TMEM244: variants seen among roughly 807,000 people sequenced by gnomAD.
TMEM244 encodes transmembrane protein 244, also known as putative transmembrane protein 244.
In TMEM244, 13 loss-of-function variants were observed where a neutral mutation model predicts 15.8. The observed-to-expected ratio is 0.82, with a 90% CI of 0.53 to 1.30. The LOEUF is 1.30. TMEM244 is among the 50% of genes most tolerant of loss of function. The probability of loss-of-function intolerance (pLI) is 0.00; values close to 1 mark genes in which losing one functional copy is unlikely to be tolerated. For missense variants in TMEM244, 161 were observed against 144.9 expected, an observed-to-expected ratio of 1.11 and a Z score of -0.57; for synonymous variants, 45 against 48.7, an observed-to-expected ratio of 0.92 and a Z score of 0.32.
intron 1 of TMEM244, among the ~76,000 whole-genome samples, chr6:129,855,013 C>G (rs1196057611): frequency 6.6e-6 from 1 of 152,132 alleles, no homozygotes; most frequent in Non-Finnish European, 1.5e-5. Context: ...AGAAACCTCT[C>G]AGGTGATTAC....
At chr6:129,852,767 T>A (rs1000588668) in intron 1 of TMEM244, among the ~76,000 whole-genome samples, 5 of 152,084 alleles carry the variant, frequency 3.3e-5, no homozygotes, top group African/African-American at 9.7e-5. Flanking sequence ...TCCTTTTAGC[T>A]CCCTGGTGCC....
chr6:129,852,514 G>A (rs1776648723), intron 1 of TMEM244, among the ~76,000 whole-genome samples: 1 of 152,124 alleles, frequency 6.6e-6, no homozygotes, highest in South Asian at 2.1e-4. Context: ...CATAGTTTCA[G>A]GGGGTTTACA....
chr6:129,852,147 T>G (rs1324209281), intron 1 of TMEM244, among the ~76,000 whole-genome samples: 4 of 152,162 alleles, frequency 2.6e-5, no homozygotes, highest in African/African-American at 9.7e-5. Context: ...GTTGATAATT[T>G]TGAAGCTAAG....
chr6:129,857,736 T>C (rs1195925216), intron 1 of TMEM244, among the ~76,000 whole-genome samples: 2 of 151,966 alleles, frequency 1.3e-5, no homozygotes, highest in Non-Finnish European at 2.9e-5. Flanking sequence ...ATGCCTCTAG[T>C]ATTCTCCATT....
At chr6:129,838,995 G>A (rs1207131603) in intron 3 of TMEM244, among the ~76,000 whole-genome samples, 1 of 152,144 alleles carries the variant, frequency 6.6e-6, no homozygotes, top group Admixed American at 6.5e-5. Flanking sequence ...AATTCTACCA[G>A]AGGTACAAAG....
At chr6:129,846,159 T>C (rs1776558485) in intron 1 of TMEM244, among the ~76,000 whole-genome samples, 1 of 152,232 alleles carries the variant, frequency 6.6e-6, no homozygotes. Flanking sequence ...TTGCTTTCAT[T>C]TCAATCCAAA....
At chr6:129,852,110 G>A (rs1776643574) in intron 1 of TMEM244, among the ~76,000 whole-genome samples, 1 of 152,138 alleles carries the variant, frequency 6.6e-6, no homozygotes, top group Admixed American at 6.6e-5. Context: ...AGAATAGCTG[G>A]AAATGAAGAT....
At chr6:129,847,247 A>G (rs17058076) in intron 1 of TMEM244, among the ~76,000 whole-genome samples, 2,300 of 152,344 alleles carry the variant, frequency 0.015, 20 homozygotes, top group Non-Finnish European at 0.022. Flanking sequence ...TATGACTATA[A>G]TAAAGGTCCC....
At chr6:129,848,856 A>G (rs1378862722) in intron 1 of TMEM244, among the ~76,000 whole-genome samples, 2 of 152,186 alleles carry the variant, frequency 1.3e-5, no homozygotes, top group Non-Finnish European at 2.9e-5. Flanking sequence ...ATATTTCTAG[A>G]TGATTGCTTT....
At chr6:129,841,460 A>G (rs531157215) in intron 3 of TMEM244, among the ~76,000 whole-genome samples, 2 of 152,100 alleles carry the variant, frequency 1.3e-5, no homozygotes, top group African/African-American at 2.4e-5. Context: ...TAGGAGAAAT[A>G]TCTAATGTAA....
chr6:129,860,149 C>CTG, intron 1 of TMEM244, among the ~76,000 whole-genome samples: 1 of 105,662 alleles, frequency 9.5e-6, no homozygotes, highest in East Asian at 3.3e-4. Context: ...GTGTGTGTGT[C>CTG]TGTCTGTCTG....
intron 1 of TMEM244, among the ~76,000 whole-genome samples, chr6:129,853,769 A>G (rs1472703999): frequency 1.3e-5 from 2 of 152,188 alleles, no homozygotes; most frequent in Non-Finnish European, 2.9e-5. Flanking sequence ...CATGAGCACT[A>G]TCTTTGCTAG....
In TMEM244 at chr6:129,843,420, T is replaced by C. The variant is rs994572631; in HGVS notation, c.193+110A>G. On this transcript the variant is annotated intron_variant, in intron 3 of 4. Transcript: ENST00000368143. ...AATTTTTGAAATCAGATAAAATACA[T>C]AGATGACTGCGAGACAGGCCTGATA... The C allele has an allele frequency of 1.9e-5, 12 of 641,924 alleles. No individual in the cohort carries two copies. The East Asian group carries it at 3.2e-4, about 17-fold the overall frequency. 39.8% of individuals were successfully genotyped at this position (641,924 alleles called of 1,614,324 possible).
chr6:129,860,836 T>G (rs542697125), intron 1 of TMEM244, among the ~76,000 whole-genome samples: 54 of 149,570 alleles, frequency 3.6e-4, no homozygotes, highest in South Asian at 1.7e-3. Flanking sequence ...GAAAAAAAGA[T>G]TGAGAACAAA....
At chr6:129,851,736 C>G (rs1278664907) in intron 1 of TMEM244, among the ~76,000 whole-genome samples, 1 of 152,076 alleles carries the variant, frequency 6.6e-6, no homozygotes, top group East Asian at 1.9e-4. Context: ...TAATGCTGTC[C>G]AAATGAGGGA....
chr6:129,846,657 A>G (rs959910895), intron 1 of TMEM244, among the ~76,000 whole-genome samples: 24 of 152,198 alleles, frequency 1.6e-4, no homozygotes, highest in African/African-American at 5.3e-4. Flanking sequence ...TGATAATAAT[A>G]TAATCTTGCC....
chr6:129,848,452 G>T (rs1276920364), intron 1 of TMEM244, among the ~76,000 whole-genome samples: 8 of 152,146 alleles, frequency 5.3e-5, no homozygotes, highest in Non-Finnish European at 5.9e-5. Flanking sequence ...GGCACCTACT[G>T]CCTCAATAAA....
chr6:129,845,742 T>G, intron 2 of TMEM244, 25 bp downstream of exon 2: 1 of 1,523,628 alleles, frequency 6.6e-7, no homozygotes, highest in Non-Finnish European at 9.1e-7. Context: ...TTTTTAATTC[T>G]ATTTGAAGAC....
At chr6:129,848,863 C>T (rs1178364856) in intron 1 of TMEM244, among the ~76,000 whole-genome samples, 1 of 152,042 alleles carries the variant, frequency 6.6e-6, no homozygotes, top group East Asian at 1.9e-4. Context: ...TAGATGATTG[C>T]TTTCATTTCA....
Sources: gnomAD v4.1 joint callset for allele counts (sites outside exome capture counted in the v4.1 genomes callset) on GRCh38, gnomAD v4.1.1 for gene constraint, MANE v1.5 for transcripts, NCBI Gene and HGNC (gene_info 2026-07-23, HGNC 2026-07-21) for gene names.